The following MCTP1 variants were observed in gnomAD, a reference collection of about 807,000 sequenced individuals.
MCTP1 encodes the protein multiple C2 and transmembrane domain containing 1.
In MCTP1, 69 loss-of-function variants were observed where a neutral mutation model predicts 120.6. The ratio of observed to expected loss-of-function variants is 0.57; its 90% confidence interval spans 0.47 to 0.70. The LOEUF is 0.70. Ranked by LOEUF, MCTP1 falls within the 30% of genes least tolerant of loss-of-function variation. MCTP1 has a pLI of 0.00. For synonymous variants in MCTP1, 529 were observed against 493.1 expected (o/e 1.07, Z -0.96); for missense variants, 1,203 against 1,248.8 (o/e 0.96, Z 0.55).
chr5:94,787,229 G>T (rs1169834911), intron 18 of MCTP1, among the ~76,000 whole-genome samples: 1 of 152,136 alleles, frequency 6.6e-6, no homozygotes, highest in Non-Finnish European at 1.5e-5. Context: ...AATATCTATG[G>T]ATATGACCTG....
intron 1 of MCTP1, among the ~76,000 whole-genome samples, chr5:95,087,872 T>C (rs1755551292): frequency 6.6e-6 from 1 of 152,126 alleles, no homozygotes; most frequent in African/African-American, 2.4e-5. Context: ...GGCATGTCTT[T>C]AGGGAGACCT....
chr5:94,746,884 T>C lies in MCTP1; in HGVS notation c.2611-31998A>G, dbSNP rs891921469. Among the ~76,000 whole-genome samples the C allele has an allele frequency of 3.9e-5, 6 of 152,242 alleles. No individual in the cohort carries two copies. The South Asian group carries it at 1.2e-3, about 32-fold the overall frequency. On this transcript the variant is annotated intron_variant, in intron 19 of 22. Transcript: ENST00000515393. ...CAACTCTTGCGTCAGTATATTTTGC[T>C]GTGGCTAAATTCTTCTACAAACTGC...
At chr5:95,282,758 T>C (rs1760428244) in intron 1 of MCTP1, among the ~76,000 whole-genome samples, 1 of 152,246 alleles carries the variant, frequency 6.6e-6, no homozygotes, top group African/African-American at 2.4e-5. Flanking sequence ...TCTGCTTTAC[T>C]TTCTGGAGCT....
chr5:95,205,947 T>G (rs922707633), intron 1 of MCTP1, among the ~76,000 whole-genome samples: 2 of 152,144 alleles, frequency 1.3e-5, no homozygotes, highest in African/African-American at 4.8e-5. Context: ...GAATATAAAA[T>G]AGTATATCCA....
chr5:95,109,035 G>A (rs1251241267), intron 1 of MCTP1, among the ~76,000 whole-genome samples: 1 of 152,126 alleles, frequency 6.6e-6, no homozygotes, highest in African/African-American at 2.4e-5. Flanking sequence ...GCACATGAAG[G>A]TTACCTGATA....
chr5:94,716,565 G>C (rs2152567313), intron 19 of MCTP1, among the ~76,000 whole-genome samples: 1 of 152,208 alleles, frequency 6.6e-6, no homozygotes, highest in African/African-American at 2.4e-5. Flanking sequence ...TGTCTATGAA[G>C]CAAAGTACTC....
chr5:94,778,962 C>A, intron 19 of MCTP1, 148 bp downstream of exon 19: 1 of 667,924 alleles, frequency 1.5e-6, no homozygotes, highest in Non-Finnish European at 2.7e-6. Flanking sequence ...CTCTTTGCAA[C>A]ACGCAGTGGC....
intron 1 of MCTP1, among the ~76,000 whole-genome samples, chr5:95,033,163 C>A (rs183264711): frequency 1.1e-4 from 16 of 152,134 alleles, no homozygotes; most frequent in East Asian, 3.9e-4. Context: ...AGAGCTGATA[C>A]CAGTTTTACT....
At chr5:95,029,527 A>G (rs1839905117) in intron 1 of MCTP1, among the ~76,000 whole-genome samples, 3 of 152,202 alleles carry the variant, frequency 2.0e-5, no homozygotes, top group Admixed American at 2.0e-4. Flanking sequence ...CTCTTGGAGA[A>G]TCCATGGGAA....
chr5:94,723,291 T>C (rs144673120), intron 19 of MCTP1, among the ~76,000 whole-genome samples: 23 of 152,312 alleles, frequency 1.5e-4, no homozygotes, highest in African/African-American at 5.5e-4. Context: ...TAACAGGATA[T>C]TTAAGGTTAA....
At chr5:94,931,845 A>C in intron 6 of MCTP1, 108 bp downstream of exon 6, 1 of 827,776 alleles carries the variant, frequency 1.2e-6, no homozygotes, top group Non-Finnish European at 1.9e-6. Flanking sequence ...TAACAATTGA[A>C]TAGTATGAAA....
intron 2 of MCTP1, among the ~76,000 whole-genome samples, chr5:94,996,748 G>C (rs2153628252): frequency 6.6e-6 from 1 of 152,238 alleles, no homozygotes; most frequent in East Asian, 1.9e-4. Flanking sequence ...AGGGCCGACT[G>C]CATGTTTCTC....
intron 17 of MCTP1, among the ~76,000 whole-genome samples, chr5:94,831,630 C>T (rs892648943): frequency 6.6e-6 from 1 of 152,098 alleles, no homozygotes; most frequent in Non-Finnish European, 1.5e-5. Context: ...CTCCAGGGTC[C>T]ATTTTTAGGA....
intron 1 of MCTP1, among the ~76,000 whole-genome samples, chr5:95,184,268 C>G (rs1377946367): frequency 6.6e-6 from 1 of 151,922 alleles, no homozygotes; most frequent in Non-Finnish European, 1.5e-5. Flanking sequence ...AAATACGTGT[C>G]CACAAAAAGG....
chr5:94,749,896 G>A (rs1213176672), intron 19 of MCTP1, among the ~76,000 whole-genome samples: 1 of 152,062 alleles, frequency 6.6e-6, no homozygotes, highest in East Asian at 1.9e-4. Context: ...GCTACAGAGA[G>A]GTTAAGCAGT....
At chr5:94,922,903 C>T (rs1459496949) in intron 7 of MCTP1, among the ~76,000 whole-genome samples, 2 of 147,476 alleles carry the variant, frequency 1.4e-5, no homozygotes, top group African/African-American at 5.0e-5. Flanking sequence ...ATTATTATTT[C>T]AGCAAAGTAC....
intron 1 of MCTP1, among the ~76,000 whole-genome samples, chr5:95,154,897 AT>A (rs1383646957): frequency 3.9e-5 from 6 of 152,204 alleles, no homozygotes; most frequent in Admixed American, 6.5e-5. Flanking sequence ...TGGATATCTT[AT>A]TTAGAGTTTT....
At chr5:94,799,914 C>T (rs568421625) in intron 17 of MCTP1, among the ~76,000 whole-genome samples, 4 of 152,114 alleles carry the variant, frequency 2.6e-5, no homozygotes, top group African/African-American at 7.2e-5. Flanking sequence ...GACTCACCCC[C>T]ACCCGACACC....
At chr5:95,203,591 C>T (rs1751304394) in intron 1 of MCTP1, among the ~76,000 whole-genome samples, 1 of 152,056 alleles carries the variant, frequency 6.6e-6, no homozygotes, top group African/African-American at 2.4e-5. Flanking sequence ...ACTTATGTCT[C>T]CTATAGAAAT....
Sources: allele counts gnomAD v4.1 joint callset (sites outside exome capture counted in the v4.1 genomes callset), GRCh38; gene constraint gnomAD v4.1.1; transcripts MANE v1.5; gene names NCBI Gene and HGNC (gene_info 2026-07-23, HGNC 2026-07-21).